Variants in DLG1 observed in about 807,000 individuals in gnomAD.
DLG1 encodes discs large MAGUK scaffold protein 1, also known as disks large homolog 1.
A neutral mutation model predicts 123.4 loss-of-function variants in DLG1; 42 were observed. The observed-to-expected ratio is 0.34, with a 90% CI of 0.27 to 0.44. The LOEUF is 0.44. Ranked by LOEUF, DLG1 falls within the 20% of genes least tolerant of loss-of-function variation. The pLI is 1.00. For missense variants in DLG1, 942 were observed against 1,082.6 expected, an observed-to-expected ratio of 0.87 and a Z score of 1.82; for synonymous variants, 317 against 356.2, an observed-to-expected ratio of 0.89 and a Z score of 1.24.
At chr3:197,280,929 C>A (rs934078322) in intron 4 of DLG1, among the ~76,000 whole-genome samples, 4 of 151,918 alleles carry the variant, frequency 2.6e-5, no homozygotes, top group African/African-American at 7.3e-5. Flanking sequence ...GTCCAAGATC[C>A]AGGTATCTGA....
At chr3:197,070,160 CAA>C (rs1221886719) in intron 18 of DLG1, 1 of 151,544 alleles carries the variant, frequency 6.6e-6, no homozygotes, top group Admixed American at 6.6e-5. Flanking sequence ...TTCAATTAAA[CAA>C]AGACTAATAC....
Position 197,065,698 on chromosome 3 carries a change from G to T in DLG1, c.2200+10C>A, listed in dbSNP as rs745637885. ...AGTAACAATTAAATGTTTTTGTTTG[G>T]TTTACTTACGAGGAACACAGGATCC... is the stretch of plus-strand genomic sequence containing the variant. On this transcript the variant is annotated intron_variant, in intron 21 of 24. Coordinates refer to ENST00000667157, the MANE Select transcript of DLG1 (RefSeq NM_001366207.1). 1.1e-5 allele frequency: 18 copies of T among 1,565,312 alleles called. No individual in the cohort carries two copies. The highest frequency in any genetic ancestry group is 1.8e-5 in the Admixed American group (1 of 56,682).
At chr3:197,053,297 G>A (rs757675500) in intron 23 of DLG1, among the ~76,000 whole-genome samples, 16 of 152,326 alleles carry the variant, frequency 1.1e-4, no homozygotes, top group South Asian at 2.1e-4. Context: ...AGCATTTCTC[G>A]TAAGGGAGGA....
chr3:197,166,125 C>T (rs1478499186), intron 5 of DLG1, among the ~76,000 whole-genome samples: 1 of 152,158 alleles, frequency 6.6e-6, no homozygotes, highest in Non-Finnish European at 1.5e-5. Context: ...GGTTGGAACC[C>T]AAGTGAGACA....
chr3:197,202,670 A>T (rs562041416), intron 4 of DLG1, among the ~76,000 whole-genome samples: 1 of 152,336 alleles, frequency 6.6e-6, no homozygotes, highest in Admixed American at 6.5e-5. Context: ...ATCTTACTCA[A>T]CACTTCTCTA....
chr3:197,093,144 C>T (rs1455965052), intron 14 of DLG1, among the ~76,000 whole-genome samples: 6 of 151,898 alleles, frequency 4.0e-5, no homozygotes, highest in Non-Finnish European at 7.4e-5. Context: ...ACAAACATCA[C>T]AAGCATAATA....
intron 5 of DLG1, among the ~76,000 whole-genome samples, chr3:197,155,293 G>T (rs753346396): frequency 1.3e-5 from 2 of 151,938 alleles, no homozygotes; most frequent in Non-Finnish European, 2.9e-5. Context: ...AAAATAAGAC[G>T]AAAAAAACCC....
intron 16 of DLG1, among the ~76,000 whole-genome samples, chr3:197,083,483 T>C (rs887864303): frequency 2.0e-5 from 3 of 152,172 alleles, no homozygotes; most frequent in South Asian, 2.1e-4. Flanking sequence ...ATCTCATAAA[T>C]AAGCTATCTC....
chr3:197,086,830 C>A (rs1180126477), intron 15 of DLG1, among the ~76,000 whole-genome samples: 1 of 152,054 alleles, frequency 6.6e-6, no homozygotes, highest in Non-Finnish European at 1.5e-5. Context: ...AGAGGTAGTA[C>A]AAATGTCAAG....
At chr3:197,298,639 T>A (rs920848412), upstream of DLG1, 4 of 309,134 alleles carry the variant, frequency 1.3e-5, no homozygotes, top group Admixed American at 5.0e-5. Context: ...AAAGCCGCCT[T>A]AAGGAGGAGC....
At chr3:197,242,105 T>C (rs886594424) in intron 4 of DLG1, among the ~76,000 whole-genome samples, 2 of 152,094 alleles carry the variant, frequency 1.3e-5, no homozygotes, top group Non-Finnish European at 2.9e-5. Flanking sequence ...GGAAAAGATA[T>C]TTCATGCAAC....
chr3:197,277,983 G>A lies in DLG1; in HGVS notation c.318+4696C>T, dbSNP rs2151107875. Among the ~76,000 whole-genome samples the A allele has an allele frequency of 1.3e-5, 2 of 151,824 alleles. 1 individual carries two copies. The highest frequency in any genetic ancestry group is 4.2e-4 in the South Asian group (2 of 4,778). On this transcript the variant is annotated intron_variant, in intron 4 of 24. Coordinates refer to ENST00000667157, the MANE Select transcript of DLG1 (RefSeq NM_001366207.1). Reference sequence around the variant, plus strand: ...AGTGAGACCCAGTCTTCAAAAAACTGTTTAAAGAAATGGTTTTGGGGTCGG... The same window carrying A: ...AGTGAGACCCAGTCTTCAAAAAACTATTTAAAGAAATGGTTTTGGGGTCGG...
chr3:197,150,182 C>T (rs1793171161), intron 5 of DLG1, among the ~76,000 whole-genome samples: 1 of 151,950 alleles, frequency 6.6e-6, no homozygotes, highest in Non-Finnish European at 1.5e-5. Context: ...TTTCATCACC[C>T]AGGAGAAAAT....
chr3:197,090,940 T>C lies in DLG1; in HGVS notation c.1633A>G (p.Thr545Ala). 6.2e-7 allele frequency: 1 copy of C among 1,610,828 alleles called. No homozygotes were observed. The highest frequency in any genetic ancestry group is 2.2e-5 in the East Asian group (1 of 44,740). Residue 545 changes from threonine to alanine, a missense_variant, in exon 15 of 25, where the codon ACT (threonine) becomes GCT (alanine). Transcript: ENST00000667157. ...ACATAGAGGGATCGCTTCTGGCTAG[T>C]TCGAAGAGAACCTGACCCTGAACTA... ...SISSGSGSLR[T>A]SQKRSLYVRA...
At chr3:197,148,785 AC>A (rs1314787970) in intron 6 of DLG1, among the ~76,000 whole-genome samples, 1 of 152,192 alleles carries the variant, frequency 6.6e-6, no homozygotes, top group Non-Finnish European at 1.5e-5. Context: ...TACATACAAT[AC>A]AAAAAGTTAC....
intron 14 of DLG1, among the ~76,000 whole-genome samples, chr3:197,095,323 A>G (rs778939879): frequency 6.6e-6 from 1 of 152,072 alleles, no homozygotes; most frequent in Non-Finnish European, 1.5e-5. Context: ...AGTCACCAGT[A>G]ATGTTCTTTA....
At position 197,129,034 on chromosome 3, in the gene DLG1, T is replaced by C. The variant is rs116516990; in HGVS notation, c.1165+1493A>G. Among the ~76,000 whole-genome samples the C allele has an allele frequency of 8.3e-3, 1,265 of 152,310 alleles. 18 individuals are homozygous for C. The highest frequency in any genetic ancestry group is 0.035 in the Admixed American group (541 of 15,290). On this transcript the variant is annotated intron_variant, in intron 11 of 24. Coordinates refer to ENST00000667157, the MANE Select transcript of DLG1 (RefSeq NM_001366207.1). ...GATTTTCTGGACTGGTAAATGGGCA[T>C]TGGCTTCAACTGAAAATCACCAGCT...
At chr3:197,105,126 A>C in intron 13 of DLG1, 121 bp from the exon 14 acceptor site, 1 of 585,982 alleles carries the variant, frequency 1.7e-6, no homozygotes. Flanking sequence ...TACCACTAAA[A>C]TGTTTCTTGT....
chr3:197,288,922 G>A (rs1773454220), intron 3 of DLG1, among the ~76,000 whole-genome samples: 1 of 151,974 alleles, frequency 6.6e-6, no homozygotes, highest in Non-Finnish European at 1.5e-5. Context: ...GGGCAACTCT[G>A]TCTACCCAAT....
Sources: gnomAD v4.1 joint callset for allele counts (sites outside exome capture counted in the v4.1 genomes callset) on GRCh38, gnomAD v4.1.1 for gene constraint, MANE v1.5 for transcripts, NCBI Gene and HGNC (gene_info 2026-07-23, HGNC 2026-07-21) for gene names.